The following GNAL variants were observed in gnomAD, a reference collection of about 807,000 sequenced individuals.
GNAL encodes G protein subunit alpha L.
In GNAL, 18 loss-of-function variants were observed where a neutral mutation model predicts 55.1. That is an observed-to-expected ratio of 0.33 (90% CI 0.23 to 0.48). The LOEUF (loss-of-function observed/expected upper bound fraction) is 0.48. Ranked by LOEUF, GNAL falls within the 20% of genes least tolerant of loss-of-function variation. The pLI is 0.99. For missense variants in GNAL, 412 were observed against 614.1 expected (o/e 0.67, Z 3.48); for synonymous variants, 253 against 237.0 (o/e 1.07, Z -0.62).
At position 11,752,409 on chromosome 18, in the gene GNAL, C is replaced by G; in HGVS notation, c.377-444C>G. On this transcript the variant is annotated intron_variant, in intron 1 of 11. Coordinates refer to ENST00000334049, the MANE Select transcript of GNAL (RefSeq NM_182978.4). The surrounding 1 kb of genome is among the most constrained non-coding windows in gnomAD (Gnocchi z 4.5). The stretch of plus-strand genomic sequence containing the variant: ...GCTTTTTGCGCACATTCCTAACTTC[C>G]TGACGTCCATCCCAGCGGGCAGGCA... The G allele has an allele frequency of 6.3e-7, 1 of 1,595,994 alleles. No individual in the cohort carries two copies. The highest frequency in any genetic ancestry group is 8.5e-7 in the Non-Finnish European group (1 of 1,173,340).
In GNAL at chr18:11,784,711, C is replaced by G. The variant is rs184979049; in HGVS notation, c.624+30766C>G. 2.0e-5 allele frequency among the ~76,000 whole-genome samples: 3 copies of G among 152,166 alleles called. No individual in the cohort carries two copies. In the East Asian group the frequency reaches 5.8e-4, roughly 29 times the overall value. On this transcript the variant is annotated intron_variant, in intron 4 of 11. Coordinates refer to ENST00000334049, the MANE Select transcript of GNAL (RefSeq NM_182978.4). ...TGTTTAAAAGGAATGTATTATGAAT[C>G]TGAGTAAAAGAAATGGAGAAAGATT... is the stretch of plus-strand genomic sequence containing the variant.
intron 6 of GNAL, among the ~76,000 whole-genome samples, chr18:11,863,515 T>G (rs922344856): frequency 6.6e-6 from 1 of 152,220 alleles, no homozygotes; most frequent in African/African-American, 2.4e-5. Context: ...GGCTTCCTCG[T>G]CTTGAGTCAG....
intron 4 of GNAL, among the ~76,000 whole-genome samples, chr18:11,758,005 G>A (rs2033116782): frequency 6.6e-6 from 1 of 152,088 alleles, no homozygotes; most frequent in Non-Finnish European, 1.5e-5. Context: ...GAGGAGCCAG[G>A]CAGCAGCTGG....
chr18:11,862,345 GGGAAA>G, intron 5 of GNAL, 45 bp from the exon 6 acceptor site: 1 of 1,478,454 alleles, frequency 6.8e-7, no homozygotes, highest in South Asian at 1.1e-5. Flanking sequence ...CCAACCCCAG[GGGAAA>G]GTGGGCAGAG....
intron 4 of GNAL, among the ~76,000 whole-genome samples, chr18:11,757,569 T>G (rs560119107): frequency 7.4e-4 from 113 of 152,300 alleles, no homozygotes; most frequent in African/African-American, 2.6e-3. Flanking sequence ...CCATTTAGAC[T>G]TGTCGGCATG....
intron 5 of GNAL, chr18:11,851,675 C>T (rs2035872510): frequency 6.2e-7 from 1 of 1,614,020 alleles, no homozygotes; most frequent in Admixed American, 1.7e-5. Flanking sequence ...GCCGAAAATG[C>T]CATCCGCCAG....
Position 11,752,533 on chromosome 18 carries a change from A to G in GNAL, c.377-320A>G, listed in dbSNP as rs1176630313. On this transcript the variant is annotated intron_variant, in intron 1 of 11. Transcript: ENST00000334049. The surrounding 1 kb of genome is among the most constrained non-coding windows in gnomAD (Gnocchi z 4.5). ...CAAAAAGATCGAGAAGCAGTTGCAG[A>G]AAGAGCGCCTGGCTTACAAGGCTAC... 6.2e-7 allele frequency: 1 copy of G among 1,613,150 alleles called. No individual in the cohort carries two copies. The highest frequency in any genetic ancestry group is 1.7e-5 in the Admixed American group (1 of 59,938).
intron 1 of GNAL, among the ~76,000 whole-genome samples, chr18:11,726,412 T>A (rs765658514): frequency 5.3e-5 from 8 of 152,254 alleles, no homozygotes; most frequent in Non-Finnish European, 8.8e-5. Flanking sequence ...CCACTGCTTA[T>A]TAATAACCAT....
chr18:11,713,033 A>C (rs1397112842), intron 1 of GNAL, among the ~76,000 whole-genome samples: 1 of 152,232 alleles, frequency 6.6e-6, no homozygotes, highest in African/African-American at 2.4e-5. Context: ...CTGTTTGCAG[A>C]ACACTGTGAA....
At chr18:11,799,683 A>G (rs2034473091) in intron 4 of GNAL, among the ~76,000 whole-genome samples, 1 of 152,230 alleles carries the variant, frequency 6.6e-6, no homozygotes, top group Non-Finnish European at 1.5e-5. Context: ...ACGTATAAAA[A>G]AAATCCAATA....
At chr18:11,872,675 C>T (rs915552292) in intron 10 of GNAL, among the ~76,000 whole-genome samples, 1 of 152,218 alleles carries the variant, frequency 6.6e-6, no homozygotes, top group East Asian at 1.9e-4. Flanking sequence ...CTGGTATGAG[C>T]TCTCCCTCTA....
intron 4 of GNAL, among the ~76,000 whole-genome samples, chr18:11,770,213 A>C (rs1568019345): frequency 6.6e-6 from 1 of 152,178 alleles, no homozygotes; most frequent in Non-Finnish European, 1.5e-5. Context: ...CTGAAGCATT[A>C]TATTAATTTT....
rs1217740076 is a variant in GNAL at position 11,751,132 on chromosome 18, A to G, written c.377-1721A>G. Among the ~76,000 whole-genome samples, 3 of 152,128 alleles carry G rather than the reference A, an allele frequency of 2.0e-5. No homozygotes were observed. The highest frequency in any genetic ancestry group is 4.4e-5 in the Non-Finnish European group (3 of 68,020). ...TAGACAGCGCAGCGCCAAGCCCGAG[A>G]CGGTCAACTGGGAGCCGCCACACAC... On this transcript the variant is annotated intron_variant, in intron 1 of 11. Coordinates refer to ENST00000334049, the MANE Select transcript of GNAL (RefSeq NM_182978.4). The surrounding 1 kb of genome is among the most constrained non-coding windows in gnomAD (Gnocchi z 4.5).
At chr18:11,726,944 T>C (rs2032225201) in intron 1 of GNAL, among the ~76,000 whole-genome samples, 1 of 152,142 alleles carries the variant, frequency 6.6e-6, no homozygotes, top group African/African-American at 2.4e-5. Context: ...CTTTTTTTTT[T>C]TTCTTAAGGT....
At chr18:11,825,591 C>T (rs747586227) in intron 5 of GNAL, among the ~76,000 whole-genome samples, 6 of 151,946 alleles carry the variant, frequency 3.9e-5, no homozygotes, top group Admixed American at 1.3e-4. Flanking sequence ...ATTAGCTAGG[C>T]GTGGTGGTGG....
chr18:11,840,616 C>A (rs145644099), intron 5 of GNAL, among the ~76,000 whole-genome samples: 9 of 152,266 alleles, frequency 5.9e-5, no homozygotes, highest in Non-Finnish European at 1.3e-4. Flanking sequence ...ATCTAGGAGT[C>A]CTCAGACTTC....
intron 5 of GNAL, among the ~76,000 whole-genome samples, chr18:11,839,552 C>CAAAAAAAAAAAAA (rs3078934): frequency 1.2e-5 from 1 of 81,674 alleles, no homozygotes; most frequent in Non-Finnish European, 2.2e-5. Context: ...GACCTTGCCT[C>CAAAAAAAAAAAAA]AAAAAAAAAA....
At chr18:11,780,717 A>G (rs1407631557) in intron 4 of GNAL, among the ~76,000 whole-genome samples, 1 of 152,090 alleles carries the variant, frequency 6.6e-6, no homozygotes, top group Non-Finnish European at 1.5e-5. Context: ...TCATGGAGTT[A>G]CACTGAGGAA....
chr18:11,689,679 C>G lies in GNAL; in HGVS notation c.116C>G (p.Ala39Gly), dbSNP rs1598394807. ...DAQPAPAPAL[A>G]PVRAAARDTA... is the part of the protein sequence containing the mutation. ...CAGCCCGCCCCGGCCCCGGCCCTGG[C>G]CCCAGTCCGGGCGGCCGCAAGGGAC... is the stretch of plus-strand genomic sequence containing the variant. The change falls in exon 1 of 12, where the codon GCC becomes GGC. Residue 39 changes from alanine (A) to glycine (G), a missense_variant. Ala to Gly is a moderately conservative substitution (Grantham distance 60). Coordinates refer to ENST00000334049, the MANE Select transcript of GNAL (RefSeq NM_182978.4). 1 of 1,463,452 alleles carries G rather than the reference C, an allele frequency of 6.8e-7. No individual in the cohort carries two copies. Among genetic ancestry groups the G allele is most frequent in the African/African-American group, 1.5e-5 (1 of 67,530 alleles). 90.7% of individuals were successfully genotyped at this position (1,463,452 alleles called of 1,614,324 possible). A position where few individuals can be genotyped will look rare whatever the true frequency, so the allele number is the denominator to read the frequency against.
Sources: allele counts gnomAD v4.1 joint callset (sites outside exome capture counted in the v4.1 genomes callset), GRCh38; gene constraint gnomAD v4.1.1; non-coding constraint Gnocchi (gnomAD v3.1); transcripts MANE v1.5; gene names NCBI Gene and HGNC (gene_info 2026-07-23, HGNC 2026-07-21).